Variants in TPGS2 observed in about 807,000 individuals in gnomAD.
The protein encoded by TPGS2 is tubulin polyglutamylase complex subunit 2.
Under a neutral mutation model 31.1 loss-of-function variants are expected in TPGS2, and 26 were observed. That is an observed-to-expected ratio of 0.84 (90% CI 0.61 to 1.16). TPGS2 has a LOEUF of 1.16. TPGS2 is among the 50% of genes most tolerant of loss of function. The pLI is 0.00. For missense variants in TPGS2, 351 were observed against 363.8 expected (o/e 0.96, Z 0.29); for synonymous variants, 130 against 136.6 (o/e 0.95, Z 0.34).
chr18:36,788,391 C>T (rs1469436431), intron 6 of TPGS2, among the ~76,000 whole-genome samples: 2 of 152,178 alleles, frequency 1.3e-5, no homozygotes, highest in Non-Finnish European at 2.9e-5. Flanking sequence ...CCTCAAGTAC[C>T]ATCCATATCA....
chr18:36,806,770 G>C (rs555499627), intron 3 of TPGS2, among the ~76,000 whole-genome samples: 98 of 138,350 alleles, frequency 7.1e-4, no homozygotes, highest in African/African-American at 2.6e-3. Flanking sequence ...AGAATCTCTT[G>C]AACCTGGGAG....
intron 4 of TPGS2, among the ~76,000 whole-genome samples, chr18:36,802,681 G>A (rs2044883162): frequency 6.6e-6 from 1 of 152,118 alleles, no homozygotes; most frequent in Non-Finnish European, 1.5e-5. Context: ...GGGCCGGAGT[G>A]CAGTGGCATG....
chr18:36,781,776 C>T (rs1278669785), downstream of TPGS2: 4 of 985,360 alleles, frequency 4.1e-6, no homozygotes, highest in African/African-American at 5.2e-5. Flanking sequence ...CTGTGTTCCC[C>T]TCTCTGCTCT....
rs1567998197 is a variant in TPGS2 at position 36,795,275 on chromosome 18, A to ACTAATC, written c.*1529_*1530insGATTAG. The ACTAATC allele has an allele frequency of 1.0e-6, 1 of 985,398 alleles. No homozygotes were observed. The highest frequency in any genetic ancestry group is 1.1e-4 in the East Asian group (1 of 8,810). The allele number at this position is 985,398 out of a possible 1,614,324, so 61.0% of individuals were successfully genotyped here. A position where few individuals can be genotyped will look rare whatever the true frequency, so the allele number is the denominator to read the frequency against. On this transcript the variant is annotated 3_prime_UTR_variant, in exon 7 of 7. Transcript: ENST00000334295. Reference sequence around the variant, plus strand: ...TCCCCAGTGGGTTTGGAAGAGGGAAACCCTGGGTCGATTAGCAGGTAGACA... The same window carrying ACTAATC: ...TCCCCAGTGGGTTTGGAAGAGGGAAACTAATCCCCTGGGTCGATTAGCAGGTAGACA...
intron 6 of TPGS2, chr18:36,788,893 C>T (rs2044214453): frequency 6.6e-6 from 1 of 152,122 alleles, no homozygotes; most frequent in South Asian, 2.1e-4. Context: ...GGAGGACGAT[C>T]CCAAAGCTAG....
At chr18:36,810,847 C>G (rs2045391563) in intron 2 of TPGS2, among the ~76,000 whole-genome samples, 1 of 152,262 alleles carries the variant, frequency 6.6e-6, no homozygotes, top group South Asian at 2.1e-4. Flanking sequence ...CAACAAGATT[C>G]CAGAAAACCA....
At chr18:36,798,721 T>A (rs1187357661) in intron 5 of TPGS2, 112 bp from the exon 6 acceptor site, 1 of 1,466,894 alleles carries the variant, frequency 6.8e-7, no homozygotes, top group South Asian at 1.5e-5. Context: ...ACAGAGAGAA[T>A]GGAAAATGTA....
At chr18:36,808,125 T>C (rs756136526) in intron 2 of TPGS2, among the ~76,000 whole-genome samples, 191 bp from the exon 3 acceptor site, 2 of 152,146 alleles carry the variant, frequency 1.3e-5, no homozygotes, top group East Asian at 1.9e-4. Flanking sequence ...GCCTTTTTTT[T>C]CTTCAGCAGC....
At chr18:36,817,079 A>G (rs2045690580) in intron 2 of TPGS2, among the ~76,000 whole-genome samples, 1 of 152,268 alleles carries the variant, frequency 6.6e-6, no homozygotes, top group Non-Finnish European at 1.5e-5. Flanking sequence ...GGATCAGCCA[A>G]TAAGAGTTTC....
At chr18:36,819,213 C>T (rs2045792314) in intron 1 of TPGS2, among the ~76,000 whole-genome samples, 1 of 152,220 alleles carries the variant, frequency 6.6e-6, no homozygotes, top group South Asian at 2.1e-4. Context: ...TCTATACTGT[C>T]ATTGCTCAGT....
At position 36,828,849 on chromosome 18, in the gene TPGS2, T is replaced by A. The variant is rs984776079; in HGVS notation, c.-82A>T. 2.0e-6 allele frequency: 3 copies of A among 1,529,140 alleles called. No homozygotes were observed. The highest frequency in any genetic ancestry group is 2.7e-6 in the Non-Finnish European group (3 of 1,118,662). The allele number at this position is 1,529,140 out of a possible 1,614,324, so 94.7% of individuals were successfully genotyped here. The stretch of plus-strand genomic sequence containing the variant: ...CAGCGCCGAGGCCAATTTCATGGCA[T>A]GCCGGGAACGGTAGTTCTCGGCGCC... On this transcript the variant is annotated 5_prime_UTR_variant, in exon 1 of 7. An upstream start codon of the reference 5' UTR is lost. Coordinates refer to ENST00000334295, the MANE Select transcript of TPGS2 (RefSeq NM_015476.4).
At chr18:36,800,664 T>C (rs1004121696) in intron 4 of TPGS2, among the ~76,000 whole-genome samples, 4 of 151,912 alleles carry the variant, frequency 2.6e-5, no homozygotes, top group African/African-American at 4.8e-5. Flanking sequence ...AAAAGTGGGA[T>C]AGCAAACACA....
At position 36,794,256 on chromosome 18, in the gene TPGS2, A is replaced by G. The variant is rs1321932221; in HGVS notation, c.*2549T>C. 1 of 984,200 alleles carries G rather than the reference A, an allele frequency of 1.0e-6. No individual in the cohort carries two copies. The highest frequency in any genetic ancestry group is 1.1e-4 in the East Asian group (1 of 8,816). 61.0% of individuals were successfully genotyped at this position (984,200 alleles called of 1,614,324 possible). A position where few individuals can be genotyped will look rare whatever the true frequency, so the allele number is the denominator to read the frequency against. On this transcript the variant is annotated 3_prime_UTR_variant, in exon 7 of 7. Coordinates refer to ENST00000334295, the MANE Select transcript of TPGS2 (RefSeq NM_015476.4). The stretch of plus-strand genomic sequence containing the variant: ...GGTAATGTTTTCCTGCTGTTTGCAC[A>G]AAAGCCTCACATCTTCATTTTGTAC...
downstream of TPGS2, among the ~76,000 whole-genome samples, chr18:36,781,275 A>G (rs1454968917): frequency 6.6e-6 from 1 of 152,168 alleles, no homozygotes; most frequent in Non-Finnish European, 1.5e-5. Context: ...TGTCTCTGAA[A>G]ACAGGGAAAG....
chr18:36,803,467 G>GTGTC (rs1318786993), intron 4 of TPGS2, among the ~76,000 whole-genome samples: 1 of 152,082 alleles, frequency 6.6e-6, no homozygotes, highest in Non-Finnish European at 1.5e-5. Context: ...ATATGCATCA[G>GTGTC]TGTCTGTGTT....
chr18:36,809,566 G>A (rs967709898), intron 2 of TPGS2, among the ~76,000 whole-genome samples: 1 of 152,146 alleles, frequency 6.6e-6, no homozygotes, highest in Non-Finnish European at 1.5e-5. Flanking sequence ...TAATGGGCTT[G>A]CTCCTAGTGC....
chr18:36,790,474 C>A (rs1414823506), downstream of TPGS2, among the ~76,000 whole-genome samples: 1 of 152,172 alleles, frequency 6.6e-6, no homozygotes, highest in African/African-American at 2.4e-5. Context: ...GTGCTAAGAG[C>A]TATAGGAAAC....
downstream of TPGS2, among the ~76,000 whole-genome samples, chr18:36,781,579 G>A (rs1205677657): frequency 6.6e-6 from 1 of 152,148 alleles, no homozygotes; most frequent in Non-Finnish European, 1.5e-5. Context: ...TTAAATCAGG[G>A]AGTCGGAGGT....
intron 2 of TPGS2, among the ~76,000 whole-genome samples, chr18:36,813,678 G>A (rs1191118796): frequency 6.6e-6 from 1 of 152,206 alleles, no homozygotes; most frequent in African/African-American, 2.4e-5. Context: ...CCCTGGTGTA[G>A]ACAACTTTTC....
Sources: allele counts gnomAD v4.1 joint callset (sites outside exome capture counted in the v4.1 genomes callset), GRCh38; gene constraint gnomAD v4.1.1; transcripts MANE v1.5; gene names NCBI Gene and HGNC (gene_info 2026-07-23, HGNC 2026-07-21).